The following IGF2BP2 variants were observed in gnomAD, a reference collection of about 807,000 sequenced individuals.
The protein encoded by IGF2BP2 is insulin-like growth factor 2 mRNA-binding protein 2.
In IGF2BP2, 17 loss-of-function variants were observed where a neutral mutation model predicts 75.8. The ratio of observed to expected loss-of-function variants is 0.22; its 90% CI spans 0.15 to 0.34. The LOEUF is 0.34. Ranked by LOEUF, IGF2BP2 falls within the 10% of genes least tolerant of loss-of-function variation. The pLI, the probability that IGF2BP2 is intolerant of heterozygous loss-of-function variation, is 1.00. For synonymous variants in IGF2BP2, 288 were observed against 295.6 expected (o/e 0.97, Z 0.26); for missense variants, 516 against 772.4 (o/e 0.67, Z 3.93).
Position 185,707,295 on chromosome 3 carries a change from CTTTTTTTTTTTTTT to C in IGF2BP2, c.240-8962_240-8949del, listed in dbSNP as rs1159568857. Among the ~76,000 whole-genome samples the C allele has an allele frequency of 2.3e-3, 90 of 39,860 alleles. 1 individual carries two copies. The highest frequency in any genetic ancestry group is 8.6e-3 in the African/African-American group (77 of 8,912). The allele number at this position is 39,860 out of a possible 152,430, so 26.1% of individuals were successfully genotyped here. ...TTATATTCAGTGTGTAACGAAGGGG[CTTTTTTTTTTTTTT>C]TTTTTTTTTTTTTTTTGAGATGGAG... On this transcript the variant is annotated intron_variant, in intron 2 of 15. Transcript: ENST00000382199.
chr3:185,655,183 G>A (rs1344837790), intron 12 of IGF2BP2, among the ~76,000 whole-genome samples: 1 of 152,200 alleles, frequency 6.6e-6, no homozygotes, highest in Non-Finnish European at 1.5e-5. Context: ...CAAGGCTGGA[G>A]TGCAATGGCG....
chr3:185,791,320 T>G (rs991466901), intron 2 of IGF2BP2, among the ~76,000 whole-genome samples: 2 of 152,260 alleles, frequency 1.3e-5, no homozygotes, highest in Non-Finnish European at 2.9e-5. Flanking sequence ...GAGTTTCACA[T>G]AAGTTCTAGC....
chr3:185,757,139 C>G (rs1731725753), intron 2 of IGF2BP2, among the ~76,000 whole-genome samples: 1 of 152,188 alleles, frequency 6.6e-6, no homozygotes, highest in Non-Finnish European at 1.5e-5. Context: ...ACCCTTGAAA[C>G]CTTTTCCTGC....
chr3:185,716,055 C>T (rs577398314), intron 2 of IGF2BP2, among the ~76,000 whole-genome samples: 6 of 152,188 alleles, frequency 3.9e-5, no homozygotes, highest in African/African-American at 1.2e-4. Flanking sequence ...TTCTAATACT[C>T]TTCTGTTTTT....
At chr3:185,781,799 G>C (rs78022833) in intron 2 of IGF2BP2, among the ~76,000 whole-genome samples, 2,920 of 152,240 alleles carry the variant, frequency 0.019, 38 homozygotes, top group Non-Finnish European at 0.03. Context: ...GTGTGTGTGT[G>C]TGTGTATGCA....
chr3:185,661,957 A>T (rs1716515777), intron 10 of IGF2BP2, among the ~76,000 whole-genome samples: 2 of 152,124 alleles, frequency 1.3e-5, no homozygotes, highest in Non-Finnish European at 2.9e-5. Context: ...AGAGCTAGAA[A>T]AGGGGTTGGC....
rs117218451 is a variant in IGF2BP2 at position 185,758,226 on chromosome 3, T to A, written c.240-59879A>T. 1.2e-4 allele frequency among the ~76,000 whole-genome samples: 18 copies of A among 152,328 alleles called. No individual in the cohort carries two copies. In the East Asian group the frequency reaches 3.5e-3, roughly 29 times the overall value. ...ACTCAATTAATGCCTTAGAGACTTA[T>A]AACCATCTCATCTCATATAGCCTTA... On this transcript the variant is annotated intron_variant, in intron 2 of 15. Coordinates refer to ENST00000382199, the MANE Select transcript of IGF2BP2 (RefSeq NM_006548.6).
chr3:185,807,159 C>T (rs1264829961), intron 2 of IGF2BP2, among the ~76,000 whole-genome samples: 1 of 151,688 alleles, frequency 6.6e-6, no homozygotes, highest in Non-Finnish European at 1.5e-5. Context: ...TTCAATTAGG[C>T]ACTGAAAAAA....
At chr3:185,676,756 GATAT>G (rs3078305) in intron 7 of IGF2BP2, among the ~76,000 whole-genome samples, 7 of 128,242 alleles carry the variant, frequency 5.5e-5, no homozygotes, top group Admixed American at 4.1e-4. Flanking sequence ...ATTTACTGGA[GATAT>G]ATATATATAT....
At chr3:185,755,506 G>C (rs1253961606) in intron 2 of IGF2BP2, among the ~76,000 whole-genome samples, 1 of 152,220 alleles carries the variant, frequency 6.6e-6, no homozygotes, top group African/African-American at 2.4e-5. Flanking sequence ...AAAAATGGTA[G>C]AGCCACTGGC....
At chr3:185,691,201 T>G (rs1168086043) in intron 5 of IGF2BP2, among the ~76,000 whole-genome samples, 1 of 152,158 alleles carries the variant, frequency 6.6e-6, no homozygotes, top group Admixed American at 6.6e-5. Context: ...CAAGTTCAAG[T>G]GATTCTCTTG....
At chr3:185,698,006 T>A (rs778208416) in intron 3 of IGF2BP2, among the ~76,000 whole-genome samples, 1 of 152,050 alleles carries the variant, frequency 6.6e-6, no homozygotes, top group Non-Finnish European at 1.5e-5. Flanking sequence ...CAACAAACCA[T>A]GAGATACAAA....
intron 9 of IGF2BP2, 78 bp downstream of exon 9, chr3:185,675,218 G>T: frequency 6.9e-7 from 1 of 1,454,506 alleles, no homozygotes; most frequent in South Asian, 1.3e-5. Context: ...CCTATCCTAA[G>T]GCACTTCCTC....
intron 2 of IGF2BP2, among the ~76,000 whole-genome samples, chr3:185,721,238 C>T (rs1726488577): frequency 6.6e-6 from 1 of 151,894 alleles, no homozygotes; most frequent in Non-Finnish European, 1.5e-5. Context: ...GAGATGGTGT[C>T]TCGATCTGTC....
chr3:185,821,648 T>TA (rs1344193742), intron 2 of IGF2BP2, among the ~76,000 whole-genome samples: 1 of 151,982 alleles, frequency 6.6e-6, no homozygotes, highest in East Asian at 1.9e-4. Flanking sequence ...TTTTTTTTTT[T>TA]ACTAATTATA....
intron 5 of IGF2BP2, among the ~76,000 whole-genome samples, 183 bp downstream of exon 5, chr3:185,692,516 G>A (rs1722076276): frequency 6.6e-6 from 1 of 152,146 alleles, no homozygotes; most frequent in Non-Finnish European, 1.5e-5. Context: ...GAACACCCTG[G>A]AGCTCTACCA....
intron 2 of IGF2BP2, among the ~76,000 whole-genome samples, chr3:185,801,841 A>G (rs1738328243): frequency 6.6e-6 from 1 of 152,162 alleles, no homozygotes; most frequent in South Asian, 2.1e-4. Context: ...GTAGCCATAA[A>G]AAGAGTGAGT....
At chr3:185,718,020 T>C (rs1235011888) in intron 2 of IGF2BP2, 2 of 152,238 alleles carry the variant, frequency 1.3e-5, no homozygotes, top group Non-Finnish European at 2.9e-5. Flanking sequence ...GAACATCAAA[T>C]ATTCAGGCTG....
At chr3:185,720,346 TAA>T (rs1726330012) in intron 2 of IGF2BP2, among the ~76,000 whole-genome samples, 2 of 152,286 alleles carry the variant, frequency 1.3e-5, no homozygotes, top group Admixed American at 6.5e-5. Context: ...TTTAATTAAT[TAA>T]TTAATTTATT....
Sources: allele counts gnomAD v4.1 joint callset (sites outside exome capture counted in the v4.1 genomes callset), GRCh38; gene constraint gnomAD v4.1.1; transcripts MANE v1.5; gene names NCBI Gene and HGNC (gene_info 2026-07-23, HGNC 2026-07-21).